Variants in LGALS3 observed in about 807,000 individuals in gnomAD.
The protein encoded by LGALS3 is galectin-3.
Under a neutral mutation model 20.7 loss-of-function variants are expected in LGALS3, and 18 were observed. The ratio of observed to expected loss-of-function variants is 0.87; its 90% CI spans 0.60 to 1.29. The LOEUF (loss-of-function observed/expected upper bound fraction) is 1.29. LGALS3 is among the 50% of genes most tolerant of loss of function. The pLI is 0.00. For missense variants in LGALS3, 315 were observed against 314.7 expected (o/e 1.00, Z -0.01); for synonymous variants, 112 against 119.6 (o/e 0.94, Z 0.42).
chr14:55,135,560 GTTTTT>G (rs762172869), intron 1 of LGALS3, among the ~76,000 whole-genome samples: 4 of 106,560 alleles, frequency 3.8e-5, no homozygotes, highest in Non-Finnish European at 5.2e-5. Context: ...ATATTTTATG[GTTTTT>G]TTTTTTTTTT....
chr14:55,137,386 T>A lies in LGALS3; in HGVS notation c.13T>A (p.Phe5Ile). The change falls in exon 2 of 6, where the codon TTT (phenylalanine) becomes ATT (isoleucine). Residue 5 changes from phenylalanine to isoleucine, a missense_variant. Coordinates refer to ENST00000254301, the MANE Select transcript of LGALS3 (RefSeq NM_002306.4). ...TTCTTTCAGGAAAATGGCAGACAAT[T>A]TTTCGGTAAGTGTTTTATGCCTGTT... MADN[F>I]SLHDALSGSG... 6.2e-7 allele frequency: 1 copy of A among 1,614,144 alleles called. No homozygotes were observed. The highest frequency in any genetic ancestry group is 8.5e-7 in the Non-Finnish European group (1 of 1,179,992).
At chr14:55,132,224 A>G (rs1881253225) in intron 1 of LGALS3, among the ~76,000 whole-genome samples, 1 of 152,228 alleles carries the variant, frequency 6.6e-6, no homozygotes, top group Non-Finnish European at 1.5e-5. Context: ...TTCTGAAGCT[A>G]CACTGAACTG....
At chr14:55,144,296 C>G (rs1443007759) in intron 5 of LGALS3, among the ~76,000 whole-genome samples, 1 of 152,136 alleles carries the variant, frequency 6.6e-6, no homozygotes, top group African/African-American at 2.4e-5. Context: ...ATGTATGCCA[C>G]CCACGTGTGG....
At chr14:55,137,107 G>A (rs137979468) in intron 1 of LGALS3, 36 of 563,164 alleles carry the variant, frequency 6.4e-5, no homozygotes, top group Admixed American at 9.3e-5. Flanking sequence ...GGGGCAGTTA[G>A]TGGGGACAGA....
intron 1 of LGALS3, among the ~76,000 whole-genome samples, chr14:55,135,360 A>C (rs981202885): frequency 6.6e-5 from 10 of 152,202 alleles, no homozygotes; most frequent in African/African-American, 2.2e-4. Context: ...TTGGCTCTTC[A>C]GATTAGGGAT....
At chr14:55,130,069 C>G (rs978313039) in intron 1 of LGALS3, among the ~76,000 whole-genome samples, 2 of 152,250 alleles carry the variant, frequency 1.3e-5, no homozygotes, top group African/African-American at 4.8e-5. Context: ...CTAAGCTTTT[C>G]CGAATCAAAT....
chr14:55,144,295 A>G (rs186404595), intron 5 of LGALS3, among the ~76,000 whole-genome samples: 8 of 152,204 alleles, frequency 5.3e-5, no homozygotes, highest in Admixed American at 3.3e-4. Flanking sequence ...GATGTATGCC[A>G]CCCACGTGTG....
Position 55,145,184 on chromosome 14 carries a change from T to G in LGALS3, c.666T>G (p.Asn222Lys), listed in dbSNP as rs1163405840. 1 of 1,613,796 alleles carries G rather than the reference T, an allele frequency of 6.2e-7. No homozygotes were observed. The highest frequency in any genetic ancestry group is 1.3e-5 in the African/African-American group (1 of 74,882). The change falls in exon 6 of 6, where the codon AAT becomes AAG. Residue 222 changes from asparagine to lysine, a missense_variant. Physicochemically the swap from Asn to Lys is moderately conservative, Grantham distance 94. Transcript: ENST00000254301. ...ATGATGCTCACTTGTTGCAGTACAA[T>G]CATCGGGTTAAAAAACTCAATGAAA... is the stretch of plus-strand genomic sequence containing the variant. Reference protein sequence around the residue: ...AVNDAHLLQYNHRVKKLNEIS... With the variant: ...AVNDAHLLQYKHRVKKLNEIS...
chr14:55,138,257 A>G lies in LGALS3; in HGVS notation c.231A>G (p.Gly77=). ...PGAYPGAPAP[G]VYPGPPSGPG... is the part of the protein sequence containing the mutation. ...CTTATCCCGGAGCACCTGCACCTGG[A>G]GTCTACCCAGGGCCACCCAGCGGCC... is the stretch of plus-strand genomic sequence containing the variant. Residue 77 remains glycine (G), a synonymous_variant, in exon 3 of 6, where the codon GGA becomes GGG. Coordinates refer to ENST00000254301, the MANE Select transcript of LGALS3 (RefSeq NM_002306.4). The G allele has an allele frequency of 1.9e-6, 3 of 1,613,076 alleles. No homozygotes were observed. Among genetic ancestry groups the G allele is most frequent in the Non-Finnish European group, 1.7e-6 (2 of 1,179,880 alleles).
rs908179040 is a variant in LGALS3, at chr14:55,130,717, G to A, written c.-5+1417G>A. 1.2e-4 allele frequency among the ~76,000 whole-genome samples: 16 copies of A among 134,432 alleles called. 1 individual carries two copies. Among genetic ancestry groups the A allele is most frequent in the Non-Finnish European group, 2.1e-4 (13 of 63,226 alleles). 88.2% of individuals were successfully genotyped at this position (134,432 alleles called of 152,430 possible). A position where few individuals can be genotyped will look rare whatever the true frequency, so the allele number is the denominator to read the frequency against. ...TGGGATTACAGGCATGCGCCACCAT[G>A]CCCGGCTAATTTTGTATTTTTCGTG... On this transcript the variant is annotated intron_variant, in intron 1 of 5. Coordinates refer to ENST00000254301, the MANE Select transcript of LGALS3 (RefSeq NM_002306.4).
At chr14:55,144,914 C>T (rs1360178795) in intron 5 of LGALS3, among the ~76,000 whole-genome samples, 1 of 152,152 alleles carries the variant, frequency 6.6e-6, no homozygotes, top group East Asian at 1.9e-4. Context: ...TTAACTGGTC[C>T]CACAAATGAT....
chr14:55,142,477 G>C (rs1881657139), intron 4 of LGALS3, 107 bp from the exon 5 acceptor site: 1 of 796,976 alleles, frequency 1.3e-6, no homozygotes, highest in African/African-American at 1.7e-5. Flanking sequence ...AAATTTCCTA[G>C]GTACTGTATT....
rs748824468 is a variant in LGALS3, at chr14:55,145,173, T to C, written c.655T>C (p.Leu219=). 21 of 1,613,920 alleles carry C rather than the reference T, an allele frequency of 1.3e-5. No homozygotes were observed. Among genetic ancestry groups the C allele is most frequent in the Admixed American group, 1.7e-5 (1 of 60,002 alleles). ...FKVAVNDAHL[L]QYNHRVKKLN... ...GGTTGCAGTGAATGATGCTCACTTG[T>C]TGCAGTACAATCATCGGGTTAAAAA... is the stretch of plus-strand genomic sequence containing the variant. Residue 219 remains leucine, a synonymous_variant, in exon 6 of 6, where the codon TTG becomes CTG. Coordinates refer to ENST00000254301, the MANE Select transcript of LGALS3 (RefSeq NM_002306.4).
intron 1 of LGALS3, among the ~76,000 whole-genome samples, chr14:55,132,613 G>A (rs139463984): frequency 2.0e-5 from 3 of 152,118 alleles, no homozygotes; most frequent in South Asian, 2.1e-4. Context: ...AGTCTCCCAG[G>A]CTGGAGTGCA....
At chr14:55,137,649 C>G in intron 2 of LGALS3, 3 of 1,423,566 alleles carry the variant, frequency 2.1e-6, no homozygotes, top group Non-Finnish European at 2.7e-6. Context: ...AGGGAGTGGA[C>G]TCTGCCGGCA....
At chr14:55,138,407 G>A in intron 3 of LGALS3, 39 bp downstream of exon 3, 1 of 1,605,586 alleles carries the variant, frequency 6.2e-7, no homozygotes, top group Non-Finnish European at 8.5e-7. Flanking sequence ...TTGACATGCA[G>A]AGGGCTTCAG....
intron 2 of LGALS3, 199 bp downstream of exon 2, chr14:55,137,590 G>T: frequency 6.8e-7 from 1 of 1,477,666 alleles, no homozygotes. Context: ...GCAGAGCGAG[G>T]CCTGGGACTC....
At chr14:55,133,367 AC>A (rs1379841397) in intron 1 of LGALS3, among the ~76,000 whole-genome samples, 1 of 151,930 alleles carries the variant, frequency 6.6e-6, no homozygotes, top group Admixed American at 6.6e-5. Flanking sequence ...GCATTCCAAG[AC>A]CCCCTGTGGA....
At chr14:55,138,791 T>C (rs1165462859) in intron 3 of LGALS3, among the ~76,000 whole-genome samples, 2 of 152,092 alleles carry the variant, frequency 1.3e-5, no homozygotes, top group South Asian at 2.1e-4. Flanking sequence ...TGAGCAAACA[T>C]GTAGAGGAAC....
Sources: allele counts gnomAD v4.1 joint callset (sites outside exome capture counted in the v4.1 genomes callset), GRCh38; gene constraint gnomAD v4.1.1; transcripts MANE v1.5; gene names NCBI Gene and HGNC (gene_info 2026-07-23, HGNC 2026-07-21).